Variants in IL1RAPL1 observed in about 807,000 individuals in gnomAD.
IL1RAPL1 encodes the protein interleukin-1 receptor accessory protein-like 1.
Under a neutral mutation model 48.4 loss-of-function variants are expected in IL1RAPL1, and 3 were observed. The observed-to-expected ratio is 0.06, with a 90% CI of 0.03 to 0.16. IL1RAPL1 has a LOEUF of 0.16. IL1RAPL1 is among the 10% of genes least tolerant of loss of function. IL1RAPL1 has a pLI of 1.00. For missense variants in IL1RAPL1, 349 were observed against 530.6 expected (o/e 0.66, Z 3.36); for synonymous variants, 185 against 187.7 (o/e 0.99, Z 0.12).
chrX:28,831,297 A>G (rs1212765735), intron 2 of IL1RAPL1, among the ~76,000 whole-genome samples: 5 of 101,464 alleles, frequency 4.9e-5, no homozygotes, highest in Non-Finnish European at 9.9e-5. Flanking sequence ...TTTCTTTTAC[A>G]TTTTTTGTCT....
chrX:29,801,020 A>AC (rs1929871077), intron 6 of IL1RAPL1, among the ~76,000 whole-genome samples: 2 of 76,322 alleles, frequency 2.6e-5, no homozygotes, highest in South Asian at 7.6e-4. Context: ...AAAAAAAAAA[A>AC]AAAAAAAAAA....
intron 5 of IL1RAPL1, among the ~76,000 whole-genome samples, chrX:29,555,729 C>T (rs908538410): frequency 1.8e-5 from 2 of 111,913 alleles, no homozygotes; most frequent in Non-Finnish European, 3.8e-5. Context: ...GAACTTGACA[C>T]GTAATTTGTA....
At position 28,796,257 on chromosome X, in the gene IL1RAPL1, G is replaced by A. The variant is rs190149983; in HGVS notation, c.82+6832G>A. On this transcript the variant is annotated intron_variant, in intron 2 of 10. Transcript: ENST00000378993. ...CAACCAAACCATATCATTCCACCCC[G>A]GCCCCTCCCAGATTTCATGTCCTCA... Among the ~76,000 whole-genome samples, 176 of 111,054 alleles carry A rather than the reference G, an allele frequency of 1.6e-3. 1 individual carries two copies. Among genetic ancestry groups the A allele is most frequent in the African/African-American group, 4.9e-3 (150 of 30,480 alleles).
intron 2 of IL1RAPL1, among the ~76,000 whole-genome samples, chrX:28,907,197 A>G (rs1435699289): frequency 9.0e-6 from 1 of 111,048 alleles, no homozygotes; most frequent in Non-Finnish European, 1.9e-5. Flanking sequence ...TGATTATATG[A>G]TTTTTCTTTA....
At chrX:29,717,775 A>G (rs992086544) in intron 6 of IL1RAPL1, among the ~76,000 whole-genome samples, 1 of 112,147 alleles carries the variant, frequency 8.9e-6, no homozygotes, top group Non-Finnish European at 1.9e-5. Context: ...CTATCTAGCC[A>G]TTTACAGAAA....
intron 5 of IL1RAPL1, among the ~76,000 whole-genome samples, chrX:29,512,654 A>G (rs1414121246): frequency 1.8e-5 from 2 of 112,131 alleles, no homozygotes; most frequent in East Asian, 2.8e-4. Flanking sequence ...ATATTGTTAA[A>G]TAATTGCATA....
intron 8 of IL1RAPL1, among the ~76,000 whole-genome samples, chrX:29,926,000 A>ATGTT (rs199914266): frequency 0.014 from 1,554 of 109,449 alleles, 26 homozygotes; most frequent in African/African-American, 0.048. Context: ...CAACCGTGAA[A>ATGTT]TGTTTTGAAG....
chrX:29,917,131 T>C (rs1438023820), intron 6 of IL1RAPL1, among the ~76,000 whole-genome samples: 3 of 112,120 alleles, frequency 2.7e-5, no homozygotes, highest in Non-Finnish European at 3.8e-5. Context: ...GAGAAGGGCA[T>C]ATCACCTCTG....
chrX:29,718,173 G>A (rs935963425), intron 6 of IL1RAPL1, among the ~76,000 whole-genome samples: 6 of 111,366 alleles, frequency 5.4e-5, no homozygotes, highest in Middle Eastern at 4.6e-3. Context: ...TGTTGAGGGA[G>A]TACTCTCAGG....
intron 2 of IL1RAPL1, among the ~76,000 whole-genome samples, chrX:29,178,789 G>C (rs1313986431): frequency 1.8e-5 from 2 of 111,842 alleles, no homozygotes; most frequent in Non-Finnish European, 3.8e-5. Flanking sequence ...GTAAGGAAGG[G>C]ATCCAGTTTC....
At chrX:29,768,131 T>A (rs1202175746) in intron 6 of IL1RAPL1, among the ~76,000 whole-genome samples, 1 of 111,973 alleles carries the variant, frequency 8.9e-6, no homozygotes, top group Non-Finnish European at 1.9e-5. Context: ...CTTTATAGTA[T>A]ATTGACAAGT....
chrX:29,697,205 G>A (rs755357506), intron 6 of IL1RAPL1, among the ~76,000 whole-genome samples: 6 of 111,766 alleles, frequency 5.4e-5, no homozygotes, highest in Non-Finnish European at 9.4e-5. Flanking sequence ...GTAAAATGTC[G>A]ACCCTTTCTG....
intron 1 of IL1RAPL1, among the ~76,000 whole-genome samples, chrX:28,699,118 A>G (rs1935266948): frequency 8.9e-6 from 1 of 112,343 alleles, no homozygotes; most frequent in South Asian, 3.6e-4. Flanking sequence ...TGCACATGCA[A>G]CAGATGGTTT....
intron 3 of IL1RAPL1, among the ~76,000 whole-genome samples, chrX:29,332,955 G>A (rs1322488601): frequency 2.7e-5 from 3 of 110,553 alleles, no homozygotes; most frequent in African/African-American, 9.8e-5. Context: ...AGAGAGCACA[G>A]GGTTGGGGGT....
intron 2 of IL1RAPL1, among the ~76,000 whole-genome samples, chrX:28,794,270 A>G (rs938671907): frequency 2.7e-5 from 3 of 111,039 alleles, no homozygotes; most frequent in Non-Finnish European, 5.7e-5. Context: ...AATCTGTTAA[A>G]GGGTAAGGAA....
intron 5 of IL1RAPL1, among the ~76,000 whole-genome samples, chrX:29,537,342 T>G (rs1476736595): frequency 1.8e-5 from 2 of 110,575 alleles, no homozygotes; most frequent in East Asian, 5.6e-4. Context: ...ATTATAGCTA[T>G]TTGTTGGGTC....
At chrX:29,709,224 G>A (rs1415187827) in intron 6 of IL1RAPL1, among the ~76,000 whole-genome samples, 1 of 111,715 alleles carries the variant, frequency 9.0e-6, no homozygotes, top group East Asian at 2.8e-4. Flanking sequence ...CCAGACTGAT[G>A]TTGTGGTGTT....
intron 5 of IL1RAPL1, among the ~76,000 whole-genome samples, chrX:29,538,048 A>G (rs1921294690): frequency 1.8e-5 from 2 of 111,215 alleles, no homozygotes; most frequent in Non-Finnish European, 3.8e-5. Flanking sequence ...GTTTACTAAA[A>G]TCATATTTTA....
At chrX:29,886,597 C>T (rs189500436) in intron 6 of IL1RAPL1, among the ~76,000 whole-genome samples, 2 of 111,861 alleles carry the variant, frequency 1.8e-5, no homozygotes, top group Admixed American at 9.5e-5. Context: ...GCGGAGTCAC[C>T]GCTAATAACT....
Sources: allele counts gnomAD v4.1 joint callset (sites outside exome capture counted in the v4.1 genomes callset), GRCh38; gene constraint gnomAD v4.1.1; transcripts MANE v1.5; gene names NCBI Gene and HGNC (gene_info 2026-07-23, HGNC 2026-07-21).